The following ZNF814 variants were observed in gnomAD, a reference collection of about 807,000 sequenced individuals.
ZNF814 encodes the protein zinc finger protein 814.
ZNF814 carries 5 observed loss-of-function variants against 7.5 expected under a neutral mutation model. The ratio of observed to expected loss-of-function variants is 0.67; its 90% CI spans 0.35 to 1.40. ZNF814 has a LOEUF of 1.40. Among genes scored for constraint, ZNF814 ranks in the 40% most tolerant of loss-of-function variants. ZNF814 has a pLI of 0.04. For synonymous variants in ZNF814, 315 were observed against 340.7 expected (o/e 0.92, Z 0.83); for missense variants, 962 against 1,018.0 (o/e 0.94, Z 0.75).
At chr19:57,876,881 T>C (rs552577575) in intron 2 of ZNF814, 35 bp downstream of exon 2, 4 of 1,612,474 alleles carry the variant, frequency 2.5e-6, no homozygotes, top group African/African-American at 2.7e-5. Context: ...AAACAGAGAC[T>C]AGCTCAGGTC....
chr19:57,900,865 T>TTTTTTTTTTTTTTA, the ZNF814 span, among the ~76,000 whole-genome samples: 1 of 103,142 alleles, frequency 9.7e-6, no homozygotes, highest in Admixed American at 1.0e-4. Flanking sequence ...TTTTTTTTTT[T>TTTTTTTTTTTTTTA]GAGACGGAGT....
chr19:57,880,562 G>T (rs77873062), intron 1 of ZNF814, among the ~76,000 whole-genome samples: 2 of 144,796 alleles, frequency 1.4e-5, no homozygotes, highest in Non-Finnish European at 3.0e-5. Context: ...GCAGGATGGC[G>T]GAATAGAAAG....
the ZNF814 span, among the ~76,000 whole-genome samples, chr19:57,894,612 G>A: frequency 4.0e-5 from 6 of 151,794 alleles, no homozygotes; most frequent in East Asian, 2.0e-4. Context: ...GGCAGATCAC[G>A]AGGTCAGGAG....
chr19:57,901,507 A>G, the ZNF814 span: 2 of 397,664 alleles, frequency 5.0e-6, no homozygotes, highest in Non-Finnish European at 8.9e-6. Flanking sequence ...AGTGACAATC[A>G]GGTGCCTCTG....
At position 57,872,479 on chromosome 19, in the gene ZNF814, G is replaced by T; in HGVS notation, c.*343C>A. 5 of 450,626 alleles carry T rather than the reference G, an allele frequency of 1.1e-5. No individual in the cohort carries two copies. The highest frequency in any genetic ancestry group is 2.0e-5 in the Non-Finnish European group (5 of 254,194). The allele number at this position is 450,626 out of a possible 1,614,324, so 27.9% of individuals were successfully genotyped here. The stretch of plus-strand genomic sequence containing the variant: ...AGCAAAGAGGTGTGGCTACAAAATT[G>T]CCCAAATGTATTTTATTTGTCTAGT... On this transcript the variant is annotated 3_prime_UTR_variant, in exon 3 of 3. Coordinates refer to ENST00000435989, the MANE Select transcript of ZNF814 (RefSeq NM_001144989.2).
In ZNF814 at chr19:57,875,968, T is replaced by C. The variant is rs1211375116; in HGVS notation, c.164-742A>G. Among the ~76,000 whole-genome samples, 19 of 127,438 alleles carry C rather than the reference T, an allele frequency of 1.5e-4. 1 individual carries two copies. The East Asian group carries it at 4.3e-3, about 29-fold the overall frequency. The allele number at this position is 127,438 out of a possible 152,430, so 83.6% of individuals were successfully genotyped here. On this transcript the variant is annotated intron_variant, in intron 2 of 2. Transcript: ENST00000435989. ...CTTTTTTTTTTTTTTTTTTTTTTTT[T>C]TTTTTTTTTTGAGATGGAGTCTCGC...
upstream of ZNF814, among the ~76,000 whole-genome samples, chr19:57,892,359 C>G (rs114612542): frequency 8.1e-3 from 1,231 of 152,298 alleles, 10 homozygotes; most frequent in African/African-American, 0.029. Flanking sequence ...GGTTTACAGG[C>G]CCAACTTGGT....
upstream of ZNF814, among the ~76,000 whole-genome samples, chr19:57,893,904 A>G (rs185763222): frequency 6.6e-4 from 99 of 150,396 alleles, no homozygotes; most frequent in African/African-American, 2.4e-3. Flanking sequence ...TGGGTGGCAG[A>G]GAGAGACCCC....
chr19:57,874,198 G>C lies in ZNF814; in HGVS notation c.1192C>G (p.His398Asp). ...SFSKYASFSN[H>D]QRVHTDKKHY... is the part of the protein sequence containing the mutation. ...TTTTTGTCAGTGTGAACTCTCTGATGATTACTGAAGCTAGCATATTTGCTA... is the reference window on the plus strand; with the variant it reads ...TTTTTGTCAGTGTGAACTCTCTGATCATTACTGAAGCTAGCATATTTGCTA... Residue 398 changes from histidine to aspartate, a missense_variant, in exon 3 of 3, where the codon CAT (histidine) becomes GAT (aspartate). By Grantham distance (81) the His-to-Asp change is moderately conservative (BLOSUM62 -1). Transcript: ENST00000435989. 1 of 1,576,804 alleles carries C rather than the reference G, an allele frequency of 6.3e-7. No individual in the cohort carries two copies. Among genetic ancestry groups the C allele is most frequent in the Non-Finnish European group, 8.6e-7 (1 of 1,161,296 alleles).
chr19:57,880,085 G>A (rs2071639692), intron 1 of ZNF814, among the ~76,000 whole-genome samples: 1 of 116,316 alleles, frequency 8.6e-6, no homozygotes, highest in East Asian at 3.0e-4. Context: ...GACAGAACAA[G>A]ACTCCACCTA....
In ZNF814 at chr19:57,874,101, T is replaced by C; in HGVS notation, c.1289A>G (p.His430Arg). The change falls in exon 3 of 3, where the codon CAC becomes CGC. Residue 430 changes from histidine (H) to arginine (R), a missense_variant. This residue lies in a region of ZNF814 where 665 missense variants were observed against 551.4 expected (regional missense o/e 1.21). Coordinates refer to ENST00000435989, the MANE Select transcript of ZNF814 (RefSeq NM_001144989.2). ...ACACCCATAAGGTTTTTCTCCAGTG[T>C]GAAATCGCTGATGTTGAATGAGGCT... ...KSSLIQHQRF[H>R]TGEKPYGCEE... 6.2e-7 allele frequency: 1 copy of C among 1,601,728 alleles called. No individual in the cohort carries two copies. The highest frequency in any genetic ancestry group is 1.1e-5 in the South Asian group (1 of 89,886).
intron 2 of ZNF814, chr19:57,876,489 AAGG>A (rs1195032020): frequency 1.3e-5 from 3 of 223,896 alleles, no homozygotes; most frequent in African/African-American, 6.8e-5. Context: ...TGAGTATTTC[AAGG>A]AGAATTTCTA....
upstream of ZNF814, among the ~76,000 whole-genome samples, chr19:57,893,298 T>G (rs138298679): frequency 0.054 from 8,251 of 151,518 alleles, 777 homozygotes; most frequent in African/African-American, 0.19. Context: ...CTCAGCCTCC[T>G]GAGTAGGTGG....
chr19:57,904,348 C>T, the ZNF814 span, among the ~76,000 whole-genome samples: 1 of 152,178 alleles, frequency 6.6e-6, no homozygotes, highest in Non-Finnish European at 1.5e-5. Flanking sequence ...CCTTTGCAGC[C>T]TCCATACTGG....
chr19:57,886,669 G>C (rs1452757001), intron 1 of ZNF814, among the ~76,000 whole-genome samples: 6 of 152,006 alleles, frequency 3.9e-5, no homozygotes, highest in African/African-American at 1.2e-4. Flanking sequence ...GCCTGAGCTT[G>C]GGAGTTCAAA....
At chr19:57,901,599 A>C in the ZNF814 span, 1 of 398,570 alleles carries the variant, frequency 2.5e-6, no homozygotes, top group African/African-American at 2.1e-5. Flanking sequence ...AACTCCCTAT[A>C]CGAGTGATGG....
rs1428400352 is a variant in ZNF814 at position 57,872,674 on chromosome 19, G to C, written c.*148C>G. 1.9e-6 allele frequency: 3 copies of C among 1,573,540 alleles called. No individual in the cohort carries two copies. The African/African-American group carries it at 4.1e-5, about 21-fold the overall frequency. ...GCACTCATAAGGTGGTGTGACCAGT[G>C]TGAACTCTCTTATGAACACAGAATG... On this transcript the variant is annotated 3_prime_UTR_variant, in exon 3 of 3. Transcript: ENST00000435989.
At chr19:57,884,758 A>C (rs554344591) in intron 1 of ZNF814, among the ~76,000 whole-genome samples, 2 of 152,316 alleles carry the variant, frequency 1.3e-5, no homozygotes, top group Admixed American at 1.3e-4. Flanking sequence ...AGGCAATAAC[A>C]AATGCTGGTG....
chr19:57,904,845 G>T, the ZNF814 span, among the ~76,000 whole-genome samples: 1 of 151,954 alleles, frequency 6.6e-6, no homozygotes, highest in African/African-American at 2.4e-5. Flanking sequence ...GAGGTCGAGC[G>T]TTCCTGACTA....
Sources: gnomAD v4.1 joint callset for allele counts (sites outside exome capture counted in the v4.1 genomes callset) on GRCh38, gnomAD v4.1.1 for gene constraint, gnomAD v4.1.1 regional missense constraint, MANE v1.5 for transcripts, NCBI Gene and HGNC (gene_info 2026-07-23, HGNC 2026-07-21) for gene names.